The following GRAMD2B variants were observed in gnomAD, a reference collection of about 807,000 sequenced individuals.
GRAMD2B encodes GRAM domain containing 2B, also known as GRAM domain-containing protein 2B.
Under a neutral mutation model 59.2 loss-of-function variants are expected in GRAMD2B, and 41 were observed. The ratio of observed to expected loss-of-function variants is 0.69; its 90% confidence interval spans 0.54 to 0.90. GRAMD2B has a LOEUF of 0.90. Among genes scored for constraint, GRAMD2B ranks in the 40% least tolerant of loss-of-function variants. The probability of loss-of-function intolerance (pLI) is 0.00; values close to 1 mark genes in which losing one functional copy is unlikely to be tolerated. For missense variants in GRAMD2B, 424 were observed against 500.5 expected (o/e 0.85, Z 1.46); for synonymous variants, 161 against 182.7 (o/e 0.88, Z 0.96).
At chr5:126,436,154 T>C (rs1377680683) in intron 1 of GRAMD2B, among the ~76,000 whole-genome samples, 1 of 152,252 alleles carries the variant, frequency 6.6e-6, no homozygotes, top group Non-Finnish European at 1.5e-5. Flanking sequence ...TCCTCAGAAA[T>C]GAAATTGGGG....
chr5:126,422,844 A>G (rs1228415705), upstream of GRAMD2B, among the ~76,000 whole-genome samples: 1 of 152,072 alleles, frequency 6.6e-6, no homozygotes, highest in Non-Finnish European at 1.5e-5. Flanking sequence ...ACCAATTTTG[A>G]TTTTGATGAG....
intron 1 of GRAMD2B, among the ~76,000 whole-genome samples, chr5:126,430,548 T>C (rs1761390245): frequency 1.3e-5 from 2 of 152,160 alleles, no homozygotes. Flanking sequence ...CTCTAGGCAA[T>C]CACTACCTAC....
Position 126,447,458 on chromosome 5 carries a change from T to A in GRAMD2B, c.84-17968T>A, listed in dbSNP as rs536066412. The stretch of plus-strand genomic sequence containing the variant: ...CGGGCAGATCATGAGGTCAGAAGAT[T>A]GAGACCATCCTCGATAACACGGTGA... On this transcript the variant is annotated intron_variant, in intron 1 of 13. Transcript: ENST00000285689. Among the ~76,000 whole-genome samples the A allele has an allele frequency of 2.4e-4, 37 of 152,172 alleles. No individual in the cohort carries two copies. The South Asian group carries it at 5.4e-3, about 22-fold the overall frequency.
At chr5:126,492,460 C>T (rs1288888237) in intron 13 of GRAMD2B, among the ~76,000 whole-genome samples, 2 of 151,964 alleles carry the variant, frequency 1.3e-5, no homozygotes, top group Non-Finnish European at 2.9e-5. Context: ...GTGGCTCACA[C>T]CTGTAATCTC....
intron 13 of GRAMD2B, among the ~76,000 whole-genome samples, chr5:126,490,935 TC>T (rs1249430653): frequency 2.6e-5 from 4 of 152,226 alleles, no homozygotes; most frequent in Non-Finnish European, 5.9e-5. Context: ...AGTTGGCAAA[TC>T]CAGTGAAGTC....
intron 1 of GRAMD2B, among the ~76,000 whole-genome samples, chr5:126,438,187 G>T (rs1762725780): frequency 6.6e-6 from 1 of 152,096 alleles, no homozygotes; most frequent in South Asian, 2.1e-4. Flanking sequence ...GCTTTAAGAA[G>T]TTTGTCTGAG....
At chr5:126,422,199 AT>A (rs11293263), upstream of GRAMD2B, among the ~76,000 whole-genome samples, 27,458 of 143,840 alleles carry the variant, frequency 0.19, 2,772 homozygotes, top group African/African-American at 0.3. Flanking sequence ...TTATGCACGG[AT>A]TTTTTTTTTT....
chr5:126,398,210 A>C (rs914565856), intron 1 of GRAMD2B, among the ~76,000 whole-genome samples: 24 of 151,344 alleles, frequency 1.6e-4, no homozygotes, highest in African/African-American at 5.8e-4. Flanking sequence ...ATTGTAGAGA[A>C]AGGTCTCTCT....
At chr5:126,417,574 C>T (rs1337545773) in intron 1 of GRAMD2B, among the ~76,000 whole-genome samples, 1 of 152,238 alleles carries the variant, frequency 6.6e-6, no homozygotes, top group Non-Finnish European at 1.5e-5. Flanking sequence ...AAGTGACAAC[C>T]ATTCAGCTGA....
At chr5:126,467,843 A>G (rs979041645) in intron 2 of GRAMD2B, among the ~76,000 whole-genome samples, 23 of 152,166 alleles carry the variant, frequency 1.5e-4, no homozygotes, top group African/African-American at 5.1e-4. Context: ...TGATTTCAGC[A>G]TTGTGGAATC....
At chr5:126,477,822 T>C (rs367604223) in intron 6 of GRAMD2B, 35 bp downstream of exon 6, 38 of 1,279,910 alleles carry the variant, frequency 3.0e-5, no homozygotes, top group Non-Finnish European at 4.0e-5. Flanking sequence ...ATCTTTGCTT[T>C]GTCCTCCTGC....
At chr5:126,464,614 C>T (rs1402508908) in intron 1 of GRAMD2B, among the ~76,000 whole-genome samples, 1 of 152,156 alleles carries the variant, frequency 6.6e-6, no homozygotes, top group Non-Finnish European at 1.5e-5. Context: ...TTACCAAGGT[C>T]AGACCTAGTT....
At chr5:126,392,323 C>T (rs1322511747) in intron 1 of GRAMD2B, among the ~76,000 whole-genome samples, 1 of 152,114 alleles carries the variant, frequency 6.6e-6, no homozygotes, top group Non-Finnish European at 1.5e-5. Flanking sequence ...GGGGGAAAGA[C>T]ACAAGTGGAG....
At chr5:126,454,329 G>C (rs931164428) in intron 1 of GRAMD2B, among the ~76,000 whole-genome samples, 1 of 152,166 alleles carries the variant, frequency 6.6e-6, no homozygotes, top group African/African-American at 2.4e-5. Context: ...CAGAATCTTG[G>C]AGAGGAAGAT....
At chr5:126,409,620 T>G (rs1363729452) in intron 1 of GRAMD2B, among the ~76,000 whole-genome samples, 1 of 152,210 alleles carries the variant, frequency 6.6e-6, no homozygotes, top group Non-Finnish European at 1.5e-5. Flanking sequence ...TGCGAAAATT[T>G]TCTCCCATTT....
chr5:126,398,988 T>C (rs972824535), intron 1 of GRAMD2B, among the ~76,000 whole-genome samples: 2 of 152,238 alleles, frequency 1.3e-5, no homozygotes. Context: ...TTATTGAATT[T>C]GTTAAGACTT....
At chr5:126,380,762 C>A (rs1030420624) in intron 1 of GRAMD2B, among the ~76,000 whole-genome samples, 3 of 152,146 alleles carry the variant, frequency 2.0e-5, no homozygotes, top group Non-Finnish European at 4.4e-5. Flanking sequence ...TATCCAGAAA[C>A]TTTGCTGAAT....
At chr5:126,368,941 C>T (rs1754600737), upstream of GRAMD2B, among the ~76,000 whole-genome samples, 1 of 152,146 alleles carries the variant, frequency 6.6e-6, no homozygotes, top group South Asian at 2.1e-4. Context: ...ATATGGCCAT[C>T]GAGCTCATCT....
chr5:126,486,048 G>A (rs1772847623), intron 11 of GRAMD2B, among the ~76,000 whole-genome samples: 1 of 151,952 alleles, frequency 6.6e-6, no homozygotes, highest in African/African-American at 2.4e-5. Flanking sequence ...CTTTACCCTT[G>A]TTATTTTTTT....
Sources: allele counts gnomAD v4.1 joint callset (sites outside exome capture counted in the v4.1 genomes callset), GRCh38; gene constraint gnomAD v4.1.1; transcripts MANE v1.5; gene names NCBI Gene and HGNC (gene_info 2026-07-23, HGNC 2026-07-21).